Variants in CPD observed in about 807,000 individuals in gnomAD.
CPD encodes the protein metallocarboxypeptidase D.
CPD carries 69 observed loss-of-function variants against 138.3 expected under a neutral mutation model. The ratio of observed to expected loss-of-function variants is 0.50; its 90% CI spans 0.41 to 0.61. The LOEUF (loss-of-function observed/expected upper bound fraction) is 0.61, where lower values mean the gene tolerates loss of function less well. Among genes scored for constraint, CPD ranks in the 20% least tolerant of loss-of-function variants. The pLI, the probability that CPD is intolerant of heterozygous loss-of-function variation, is 0.00. For synonymous variants in CPD, 651 were observed against 642.1 expected (o/e 1.01, Z -0.21); for missense variants, 1,432 against 1,733.3 (o/e 0.83, Z 3.09).
intron 2 of CPD, among the ~76,000 whole-genome samples, chr17:30,392,995 T>TA (rs1911400401): frequency 1.3e-5 from 2 of 152,234 alleles, no homozygotes; most frequent in African/African-American, 2.4e-5. Flanking sequence ...TAAGCCACTA[T>TA]AAACTTGAGG....
At chr17:30,380,488 C>T in intron 1 of CPD, 1 of 1,319,134 alleles carries the variant, frequency 7.6e-7, no homozygotes, top group Non-Finnish European at 9.6e-7. Context: ...ATTTGTGCAC[C>T]TTATTAGCCT....
chr17:30,435,830 G>A (rs1480344560), intron 8 of CPD, among the ~76,000 whole-genome samples: 2 of 152,076 alleles, frequency 1.3e-5, no homozygotes, highest in Non-Finnish European at 2.9e-5. Flanking sequence ...TGAAACTGTG[G>A]AAGAATCCTT....
chr17:30,427,464 T>C lies in CPD; in HGVS notation c.1923T>C (p.Phe641=). 6.2e-7 allele frequency: 1 copy of C among 1,614,056 alleles called. No homozygotes were observed. Among genetic ancestry groups the C allele is most frequent in the East Asian group, 2.2e-5 (1 of 44,888 alleles). ...FDLNRNFPDQ[F]VQITDPTQPE... Reference sequence around the variant, plus strand: ...TGAACCGAAATTTCCCAGACCAGTTTGTTCAGATCACAGATCCTACGCAAC... The same window carrying C: ...TGAACCGAAATTTCCCAGACCAGTTCGTTCAGATCACAGATCCTACGCAAC... The change falls in exon 7 of 21, where the codon TTT becomes TTC. Residue 641 remains phenylalanine (F), a synonymous_variant. Coordinates refer to ENST00000225719, the MANE Select transcript of CPD (RefSeq NM_001304.5).
Position 30,379,011 on chromosome 17 carries a change from T to A in CPD, c.31T>A (p.Trp11Arg). 5.2e-6 allele frequency: 8 copies of A among 1,551,216 alleles called. No homozygotes were observed. The highest frequency in any genetic ancestry group is 6.9e-6 in the Non-Finnish European group (8 of 1,158,142). The change falls in exon 1 of 21, where the codon TGG becomes AGG. Residue 11 changes from tryptophan (W) to arginine (R), a missense_variant. This residue lies in a region of CPD where 484 missense variants were observed against 477.2 expected (regional missense o/e 1.01). Coordinates refer to ENST00000225719, the MANE Select transcript of CPD (RefSeq NM_001304.5). The surrounding 1 kb of genome is among the most constrained non-coding windows in gnomAD (Gnocchi z 7.0). ...GAGCGGCCGGGACGAGCGGCCGCCT[T>A]GGCGGCTAGGGCGGCTCCTGTTGCT... MASGRDERPP[W>R]RLGRLLLLMC...
intron 6 of CPD, 137 bp downstream of exon 6, chr17:30,423,834 C>T: frequency 4.8e-6 from 3 of 621,360 alleles, no homozygotes; most frequent in Non-Finnish European, 7.7e-6. Flanking sequence ...GATTTTAGCT[C>T]TTGTATTCTT....
intron 10 of CPD, 31 bp from the exon 11 acceptor site, chr17:30,443,771 T>C (rs775929344): frequency 1.3e-6 from 2 of 1,554,006 alleles, no homozygotes; most frequent in Non-Finnish European, 1.7e-6. Flanking sequence ...ATGTTTATTA[T>C]TGAAATCTGG....
rs141643779 is a variant in CPD at position 30,454,908 on chromosome 17, C to T, written c.3206-431C>T. 7.7e-3 allele frequency: 1,191 copies of T among 155,584 alleles called. 15 individuals carry two copies. Among genetic ancestry groups the T allele is most frequent in the African/African-American group, 0.027 (1,100 of 41,292 alleles). 9.6% of individuals were successfully genotyped at this position (155,584 alleles called of 1,614,324 possible). A position where few individuals can be genotyped will look rare whatever the true frequency, so the allele number is the denominator to read the frequency against. On this transcript the variant is annotated intron_variant, in intron 14 of 20. Transcript: ENST00000225719. ...TCACAAGAATAGCATGGCAAAGACC[C>T]GCCCCCATGATTCAGTCACCTCCCA... is the stretch of plus-strand genomic sequence containing the variant.
chr17:30,380,183 A>G (rs1011618560), intron 1 of CPD: 1 of 168,010 alleles, frequency 6.0e-6, no homozygotes, highest in Non-Finnish European at 1.3e-5. Context: ...AGACACCATC[A>G]GTTTTGCATA....
At chr17:30,408,034 T>A (rs1019160566) in intron 2 of CPD, among the ~76,000 whole-genome samples, 1 of 152,258 alleles carries the variant, frequency 6.6e-6, no homozygotes, top group Non-Finnish European at 1.5e-5. Flanking sequence ...TTCCTACATA[T>A]GGCTACCCAC....
At position 30,385,026 on chromosome 17, in the gene CPD, G is replaced by T. The variant is rs1329271812; in HGVS notation, c.784G>T (p.Val262Leu). 1.2e-6 allele frequency: 2 copies of T among 1,613,908 alleles called. No homozygotes were observed. The highest frequency in any genetic ancestry group is 2.7e-5 in the African/African-American group (2 of 74,894). ...LSGNLHGGSV[V>L]ASYPFDDSPE... is the part of the protein sequence containing the mutation. ...TGGAAATCTGCATGGTGGCTCAGTG[G>T]TAGCAAGCTATCCTTTTGATGATTC... Residue 262 changes from valine (V) to leucine (L), a missense_variant, in exon 2 of 21, where the codon GTA becomes TTA. Transcript: ENST00000225719.
At chr17:30,445,014 G>A (rs1050354686) in intron 11 of CPD, among the ~76,000 whole-genome samples, 1 of 151,934 alleles carries the variant, frequency 6.6e-6, no homozygotes, top group African/African-American at 2.4e-5. Context: ...CGAGAAACAG[G>A]GTGAGAAGGA....
chr17:30,391,538 A>C (rs1911357028), intron 2 of CPD, among the ~76,000 whole-genome samples: 2 of 152,294 alleles, frequency 1.3e-5, no homozygotes, highest in South Asian at 4.1e-4. Context: ...TGGGCAGAAC[A>C]TTGTTATATT....
In CPD at chr17:30,465,674, T is replaced by C. The variant is rs1027218182; in HGVS notation, c.*860T>C. On this transcript the variant is annotated 3_prime_UTR_variant, in exon 21 of 21. Transcript: ENST00000225719. ...TCTAGGAATGCCTGATTCTTTAATA[T>C]TGCCTAAATCGGAACCTTTTTCTAT... 1 of 152,644 alleles carries C rather than the reference T, an allele frequency of 6.6e-6. No individual in the cohort carries two copies. The highest frequency in any genetic ancestry group is 1.5e-5 in the Non-Finnish European group (1 of 68,036). The allele number at this position is 152,644 out of a possible 1,614,324, so 9.5% of individuals were successfully genotyped here.
intron 2 of CPD, among the ~76,000 whole-genome samples, chr17:30,391,995 A>G (rs1265600698): frequency 6.7e-6 from 1 of 150,248 alleles, no homozygotes; most frequent in Non-Finnish European, 1.5e-5. Context: ...TAGTTATTTG[A>G]TCTTTGGATA....
chr17:30,379,125 G>T lies in CPD; in HGVS notation c.145G>T (p.Glu49Ter). The change falls in exon 1 of 21, where the codon GAG becomes TAG. Residue 49 changes from glutamate to a stop codon, truncating the protein, a stop_gained. Transcript: ENST00000225719. LOFTEE classifies it high-confidence loss of function. This position sits in a 1 kb window ranked among gnomAD's most constrained non-coding sequence, Gnocchi z 7.0. ...ATTTTTSAGA[E>*]AAEGQFDRYY... is the part of the protein sequence containing the mutation. ...TACCACAACTACGAGCGCGGGCGCC[G>T]AGGCGGCCGAGGGCCAGTTCGACCG... 6.5e-7 allele frequency: 1 copy of T among 1,539,330 alleles called. No individual in the cohort carries two copies.
intron 2 of CPD, among the ~76,000 whole-genome samples, chr17:30,419,589 C>A (rs181471071): frequency 6.6e-6 from 1 of 152,168 alleles, no homozygotes; most frequent in Non-Finnish European, 1.5e-5. Flanking sequence ...AATCTGCCCG[C>A]CTCCACCTCA....
At chr17:30,447,922 A>AT (rs1913071806) in intron 12 of CPD, among the ~76,000 whole-genome samples, 1 of 152,184 alleles carries the variant, frequency 6.6e-6, no homozygotes, top group Non-Finnish European at 1.5e-5. Flanking sequence ...AGGTCTTTAC[A>AT]TTTTGCCTTG....
In CPD at chr17:30,469,520, C is replaced by G. The variant is rs937933205; in HGVS notation, c.*4706C>G. On this transcript the variant is annotated 3_prime_UTR_variant, in exon 21 of 21. Coordinates refer to ENST00000225719, the MANE Select transcript of CPD (RefSeq NM_001304.5). Reference sequence around the variant, plus strand: ...ATTGAATGCCCATGGTAACCAGCATCATTTTCCTTCATGTGATGTCTTCTT... The same window carrying G: ...ATTGAATGCCCATGGTAACCAGCATGATTTTCCTTCATGTGATGTCTTCTT... 1 of 152,196 alleles carries G rather than the reference C, an allele frequency of 6.6e-6. No homozygotes were observed. The highest frequency in any genetic ancestry group is 1.5e-5 in the Non-Finnish European group (1 of 68,032). The allele number at this position is 152,196 out of a possible 1,614,324, so 9.4% of individuals were successfully genotyped here.
At chr17:30,421,568 T>A (rs1406621874) in intron 3 of CPD, 96 bp from the exon 4 acceptor site, 2 of 1,060,260 alleles carry the variant, frequency 1.9e-6, no homozygotes, top group African/African-American at 3.2e-5. Context: ...AAGAGTCACT[T>A]TATTTTTTAG....
Sources: gnomAD v4.1 joint callset for allele counts (sites outside exome capture counted in the v4.1 genomes callset) on GRCh38, gnomAD v4.1.1 for gene constraint, gnomAD v4.1.1 regional missense constraint, Gnocchi (gnomAD v3.1) non-coding constraint, MANE v1.5 for transcripts, NCBI Gene and HGNC (gene_info 2026-07-23, HGNC 2026-07-21) for gene names.